Variants in CCNY observed in about 807,000 individuals in gnomAD.
The protein encoded by CCNY is cyclin Y, also known as cyclin-Y.
CCNY carries 19 observed loss-of-function variants against 42.8 expected under a neutral mutation model. That is an observed-to-expected ratio of 0.44 (90% confidence interval 0.31 to 0.65). The LOEUF (loss-of-function observed/expected upper bound fraction) is 0.65, where lower values mean the gene tolerates loss of function less well. Among genes scored for constraint, CCNY ranks in the 30% least tolerant of loss-of-function variants. CCNY has a pLI of 0.07. For synonymous variants in CCNY, 165 were observed against 162.7 expected (o/e 1.01, Z -0.11); for missense variants, 370 against 437.3 (o/e 0.85, Z 1.37).
chr10:35,372,356 T>C (rs1836955793), intron 1 of CCNY, among the ~76,000 whole-genome samples: 1 of 152,228 alleles, frequency 6.6e-6, no homozygotes, highest in Non-Finnish European at 1.5e-5. Flanking sequence ...CTGCAAAGAT[T>C]ACTCTTCCAA....
rs527575790 is a variant in CCNY at position 35,499,990 on chromosome 10, G to A, written c.230-1511G>A. On this transcript the variant is annotated intron_variant, in intron 2 of 9. Coordinates refer to ENST00000374704, the MANE Select transcript of CCNY (RefSeq NM_145012.6). The stretch of plus-strand genomic sequence containing the variant: ...AGTTAAAACCCAGAGCTTCCAGCCA[G>A]ACCATCCTGTTTGTTTTGCTATGGT... Among the ~76,000 whole-genome samples, 143 of 152,366 alleles carry A rather than the reference G, an allele frequency of 9.4e-4. 1 individual carries two copies. In the South Asian group the frequency reaches 0.012, roughly 13 times the overall value.
chr10:35,286,608 G>A (rs995245296), intron 3 of CCNY, among the ~76,000 whole-genome samples: 2 of 150,750 alleles, frequency 1.3e-5, no homozygotes, highest in Admixed American at 6.6e-5. Context: ...TGCCTGCCTC[G>A]GCGTCCCAAA....
intron 3 of CCNY, among the ~76,000 whole-genome samples, chr10:35,292,586 C>T (rs1163459304): frequency 6.6e-6 from 1 of 151,990 alleles, no homozygotes; most frequent in Non-Finnish European, 1.5e-5. Flanking sequence ...GTCTCAAACT[C>T]CTGACCTCAG....
intron 1 of CCNY, among the ~76,000 whole-genome samples, chr10:35,458,319 C>T (rs919283956): frequency 1.3e-5 from 2 of 152,216 alleles, no homozygotes; most frequent in African/African-American, 4.8e-5. Flanking sequence ...CAGCTTTCTC[C>T]CTGCATCCAC....
intron 3 of CCNY, among the ~76,000 whole-genome samples, chr10:35,300,310 A>T (rs1835518790): frequency 6.6e-6 from 1 of 151,950 alleles, no homozygotes; most frequent in Non-Finnish European, 1.5e-5. Flanking sequence ...GCCCTGCCTG[A>T]GATGCCACGC....
At chr10:35,458,324 A>C (rs80318524) in intron 1 of CCNY, among the ~76,000 whole-genome samples, 2,753 of 152,288 alleles carry the variant, frequency 0.018, 37 homozygotes, top group East Asian at 0.037. Context: ...TTCTCCCTGC[A>C]TCCACAGTTT....
At chr10:35,559,702 C>CCAGCAGA (rs1841428049) in intron 8 of CCNY, among the ~76,000 whole-genome samples, 1 of 152,188 alleles carries the variant, frequency 6.6e-6, no homozygotes, top group Admixed American at 6.5e-5. Flanking sequence ...ATTCCACGGG[C>CCAGCAGA]CAGCAGAACT....
chr10:35,431,653 G>C (rs1803482419), intron 1 of CCNY, among the ~76,000 whole-genome samples: 1 of 151,752 alleles, frequency 6.6e-6, no homozygotes. Flanking sequence ...TCATTCTTTA[G>C]AGTTTTGATA....
chr10:35,557,331 C>T (rs1304017025), intron 8 of CCNY, among the ~76,000 whole-genome samples: 1 of 152,192 alleles, frequency 6.6e-6, no homozygotes, highest in Non-Finnish European at 1.5e-5. Flanking sequence ...TTAGCCTCTT[C>T]TTCAAAATTC....
rs1040203687 is a variant in CCNY, at chr10:35,480,383, G to A, written c.155-3021G>A. 5.9e-5 allele frequency among the ~76,000 whole-genome samples: 9 copies of A among 152,216 alleles called. No homozygotes were observed. In the South Asian group the frequency reaches 6.2e-4, roughly 11 times the overall value. ...ACAAGTGGTCATTCCGCCTTTCCTC[G>A]CTGCAGCCCTCTTGAGGAGGAGCGG... On this transcript the variant is annotated intron_variant, in intron 1 of 9. Coordinates refer to ENST00000374704, the MANE Select transcript of CCNY (RefSeq NM_145012.6).
At chr10:35,475,132 A>G (rs1016928372) in intron 1 of CCNY, among the ~76,000 whole-genome samples, 2 of 152,196 alleles carry the variant, frequency 1.3e-5, no homozygotes, top group Non-Finnish European at 2.9e-5. Flanking sequence ...GAAATATGGG[A>G]CTATGTGAAA....
chr10:35,272,850 T>C (rs1253882670), intron 3 of CCNY, among the ~76,000 whole-genome samples: 1 of 152,182 alleles, frequency 6.6e-6, no homozygotes, highest in Non-Finnish European at 1.5e-5. Flanking sequence ...CACCAGTATT[T>C]TCCACAATGG....
intron 1 of CCNY, chr10:35,394,905 T>C: frequency 7.4e-6 from 7 of 941,770 alleles, no homozygotes; most frequent in Non-Finnish European, 8.9e-6. Context: ...GAAAATTAAA[T>C]GGGAGTATTG....
In CCNY at chr10:35,533,343, T is replaced by C. The variant is rs548509883; in HGVS notation, c.579+3100T>C. ...CTCCTCTGTTCAGAACCTGTGGTGG[T>C]TCCCATCTTCCTCAAAGGAAAACAC... is the stretch of plus-strand genomic sequence containing the variant. On this transcript the variant is annotated intron_variant, in intron 7 of 9. Transcript: ENST00000374704. 5.9e-5 allele frequency among the ~76,000 whole-genome samples: 9 copies of C among 152,252 alleles called. 1 individual carries two copies. In the South Asian group the frequency reaches 1.9e-3, roughly 32 times the overall value.
intron 1 of CCNY, among the ~76,000 whole-genome samples, chr10:35,439,112 T>C (rs895071439): frequency 6.6e-6 from 1 of 152,250 alleles, no homozygotes; most frequent in Non-Finnish European, 1.5e-5. Context: ...TTTCAAAGTT[T>C]AACTAGCTTT....
At position 35,411,512 on chromosome 10, in the gene CCNY, CAA is replaced by C. The variant is rs59117826; in HGVS notation, c.155-71870_155-71869del. Among the ~76,000 whole-genome samples the C allele has an allele frequency of 6.7e-3, 414 of 61,360 alleles. 3 individuals are homozygous for C. Among genetic ancestry groups the C allele is most frequent in the African/African-American group, 0.024 (388 of 15,894 alleles). The allele number at this position is 61,360 out of a possible 152,430, so 40.3% of individuals were successfully genotyped here. Reference sequence around the variant, plus strand: ...CCTGGGTGACAGAGCAAGACTCTGTCAAAAAAAAAAAAAAAAAAAAAAAGATT... The same window carrying C: ...CCTGGGTGACAGAGCAAGACTCTGTCAAAAAAAAAAAAAAAAAAAAAGATT... On this transcript the variant is annotated intron_variant, in intron 1 of 9. Coordinates refer to ENST00000374704, the MANE Select transcript of CCNY (RefSeq NM_145012.6).
chr10:35,325,248 G>A (rs898724172), intron 3 of CCNY, among the ~76,000 whole-genome samples: 14 of 152,008 alleles, frequency 9.2e-5, no homozygotes, highest in African/African-American at 3.4e-4. Flanking sequence ...GCATGATCTC[G>A]GCTCACTGCA....
At chr10:35,253,210 A>T (rs7087150) in intron 3 of CCNY, among the ~76,000 whole-genome samples, 55,333 of 151,756 alleles carry the variant, frequency 0.36, 10,497 homozygotes, top group African/African-American at 0.47. Context: ...CTTGAATTTT[A>T]AAAAAACTTT....
intron 1 of CCNY, among the ~76,000 whole-genome samples, chr10:35,392,107 T>C (rs1363492967): frequency 6.6e-6 from 1 of 152,372 alleles, no homozygotes; most frequent in Non-Finnish European, 1.5e-5. Context: ...TTAGAAGATA[T>C]GTAACTACAA....
Sources: allele counts gnomAD v4.1 joint callset (sites outside exome capture counted in the v4.1 genomes callset), GRCh38; gene constraint gnomAD v4.1.1; transcripts MANE v1.5; gene names NCBI Gene and HGNC (gene_info 2026-07-23, HGNC 2026-07-21).